CASQ2: variants seen among roughly 807,000 people sequenced by gnomAD.
CASQ2 encodes calsequestrin 2.
In CASQ2, 49 loss-of-function variants were observed where a neutral mutation model predicts 46.5. That is an observed-to-expected ratio of 1.05 (90% CI 0.84 to 1.34). The LOEUF is 1.34. Ranked by LOEUF, CASQ2 falls within the 40% of genes most tolerant of loss-of-function variation. The pLI is 0.00. For synonymous variants in CASQ2, 174 were observed against 168.5 expected, an observed-to-expected ratio of 1.03 and a Z score of -0.25; for missense variants, 486 against 481.3, an observed-to-expected ratio of 1.01 and a Z score of -0.09.
intron 2 of CASQ2, among the ~76,000 whole-genome samples, chr1:115,744,059 G>A (rs1045543402): frequency 2.0e-5 from 3 of 150,834 alleles, no homozygotes; most frequent in Non-Finnish European, 4.4e-5. Flanking sequence ...CACAAGAATC[G>A]CTTGAATCCA....
intron 1 of CASQ2, among the ~76,000 whole-genome samples, chr1:115,747,835 T>C (rs1379422554): frequency 6.9e-6 from 1 of 144,854 alleles, no homozygotes; most frequent in Non-Finnish European, 1.5e-5. Flanking sequence ...CACTTATTAG[T>C]TCTAAGAGGT....
intron 8 of CASQ2, among the ~76,000 whole-genome samples, chr1:115,717,584 TG>T (rs932007487): frequency 6.6e-6 from 1 of 152,236 alleles, no homozygotes; most frequent in Non-Finnish European, 1.5e-5. Flanking sequence ...ACTGACTCAG[TG>T]TGTTGGTCCA....
chr1:115,762,074 G>A (rs985194429), intron 1 of CASQ2, among the ~76,000 whole-genome samples: 10 of 152,134 alleles, frequency 6.6e-5, no homozygotes, highest in Admixed American at 2.6e-4. Flanking sequence ...AGTGTACACC[G>A]GGCAGCAGCC....
intron 8 of CASQ2, among the ~76,000 whole-genome samples, chr1:115,714,885 G>A (rs1654650508): frequency 6.6e-6 from 1 of 152,236 alleles, no homozygotes; most frequent in South Asian, 2.1e-4. Context: ...TTTGGGGAAA[G>A]GCACAGCTTC....
chr1:115,742,789 T>C (rs1325479008), intron 2 of CASQ2, among the ~76,000 whole-genome samples: 2 of 151,844 alleles, frequency 1.3e-5, no homozygotes, highest in Non-Finnish European at 2.9e-5. Context: ...TTTGTTTGTT[T>C]GTTTGTTTGT....
intron 1 of CASQ2, among the ~76,000 whole-genome samples, chr1:115,747,650 T>A (rs967282621): frequency 1.3e-5 from 2 of 152,222 alleles, no homozygotes; most frequent in Non-Finnish European, 2.9e-5. Context: ...GTTTCTTTCA[T>A]CAGCATTGTA....
At chr1:115,726,615 T>C (rs551383879) in intron 6 of CASQ2, among the ~76,000 whole-genome samples, 1 of 152,338 alleles carries the variant, frequency 6.6e-6, no homozygotes, top group South Asian at 2.1e-4. Context: ...ATTGGGATAA[T>C]AATAATTACT....
Position 115,701,247 on chromosome 1 carries a change from A to G in CASQ2, c.1194T>C (p.Asp398=), listed in dbSNP as rs28730711. 90,407 of 1,612,070 alleles carry G rather than the reference A, an allele frequency of 0.056. 2,957 individuals are homozygous for G. The highest frequency in any genetic ancestry group is 0.099 in the Admixed American group (5,963 of 60,020). Residue 398 remains aspartate, a synonymous_variant, in exon 11 of 11, where the codon GAT becomes GAC. Coordinates refer to ENST00000261448, the MANE Select transcript of CASQ2 (RefSeq NM_001232.4). ...EDNDDSDDDD[D]E ...AGAATTGTTTGGAGTTGGGCTATTC[A>G]TCATCATCGTCATCACTGTCATCAT...
At chr1:115,738,177 G>C (rs1191034480) in intron 4 of CASQ2, 47 bp downstream of exon 4, 1 of 1,153,846 alleles carries the variant, frequency 8.7e-7, no homozygotes, top group Non-Finnish European at 1.3e-6. Context: ...TACCTTGTTT[G>C]GAATCTAGCT....
chr1:115,725,357 G>A (rs1444481666), intron 7 of CASQ2, 151 bp downstream of exon 7: 28 of 913,220 alleles, frequency 3.1e-5, no homozygotes, highest in Admixed American at 7.2e-5. Flanking sequence ...CTGAGCCGTC[G>A]TACCCAATCT....
chr1:115,755,918 G>A (rs1648744375), intron 1 of CASQ2, among the ~76,000 whole-genome samples: 1 of 152,210 alleles, frequency 6.6e-6, no homozygotes, highest in South Asian at 2.1e-4. Flanking sequence ...CAAAGCCTGT[G>A]CATCTCACAC....
At chr1:115,761,464 G>GGA (rs1648944826) in intron 1 of CASQ2, among the ~76,000 whole-genome samples, 1 of 5,644 alleles carries the variant, frequency 1.8e-4, no homozygotes. Flanking sequence ...GAAGAAGAAG[G>GGA]AGAAGAAGAA....
intron 2 of CASQ2, among the ~76,000 whole-genome samples, chr1:115,743,156 T>C (rs1648252413): frequency 6.6e-6 from 1 of 152,212 alleles, no homozygotes; most frequent in African/African-American, 2.4e-5. Context: ...TCCCTCAATG[T>C]GTCTCCAGGG....
chr1:115,736,166 A>AG (rs1221627866), intron 4 of CASQ2, among the ~76,000 whole-genome samples: 2 of 141,662 alleles, frequency 1.4e-5, no homozygotes, highest in Non-Finnish European at 1.6e-5. Flanking sequence ...TCCATCCCGA[A>AG]AAAAAAAAAA....
At chr1:115,740,648 G>A (rs770902146) in intron 3 of CASQ2, 80 bp downstream of exon 3, 179 of 929,516 alleles carry the variant, frequency 1.9e-4, no homozygotes, top group Non-Finnish European at 1.6e-4. Flanking sequence ...TCTCCAGCTT[G>A]TCCTTTCTTT....
chr1:115,762,356 T>C (rs1003029030), intron 1 of CASQ2, among the ~76,000 whole-genome samples: 2 of 152,222 alleles, frequency 1.3e-5, no homozygotes, highest in African/African-American at 2.4e-5. Context: ...GAAAATTTAA[T>C]AAATGAATGA....
chr1:115,723,301 C>T (rs7552059), intron 7 of CASQ2, among the ~76,000 whole-genome samples: 143 of 135,298 alleles, frequency 1.1e-3, no homozygotes, highest in African/African-American at 3.3e-3. Context: ...CTATATCTAT[C>T]TATTTATCTA....
chr1:115,768,390 A>C lies in CASQ2; in HGVS notation c.152T>G (p.Leu51Trp). ...CGGCTCATGGTAGTAGAGGCAAAGC[A>C]AGTCATATTTCTTTAAAACCTGCTT... ...NFKQVLKKYD[L>W]LCLYYHEPVS... Residue 51 changes from leucine to tryptophan, a missense_variant, in exon 1 of 11, where the codon TTG becomes TGG. By Grantham distance (61) the Leu-to-Trp change is moderately conservative (BLOSUM62 -2). Coordinates refer to ENST00000261448, the MANE Select transcript of CASQ2 (RefSeq NM_001232.4). 6.2e-7 allele frequency: 1 copy of C among 1,614,088 alleles called. No homozygotes were observed.
chr1:115,729,503 G>A (rs1438039548), intron 5 of CASQ2, among the ~76,000 whole-genome samples: 1 of 152,084 alleles, frequency 6.6e-6, no homozygotes, highest in Non-Finnish European at 1.5e-5. Context: ...TGGTTCATGG[G>A]TATTAGCATT....
Sources: gnomAD v4.1 joint callset for allele counts (sites outside exome capture counted in the v4.1 genomes callset) on GRCh38, gnomAD v4.1.1 for gene constraint, MANE v1.5 for transcripts, NCBI Gene and HGNC (gene_info 2026-07-23, HGNC 2026-07-21) for gene names.